VPS11: variants seen among roughly 807,000 people sequenced by gnomAD.
VPS11 encodes the protein vacuolar protein sorting-associated protein 11 homolog.
Under a neutral mutation model 106.8 loss-of-function variants are expected in VPS11, and 51 were observed. The ratio of observed to expected loss-of-function variants is 0.48; its 90% CI spans 0.38 to 0.60. The LOEUF (loss-of-function observed/expected upper bound fraction) is 0.60. Among genes scored for constraint, VPS11 ranks in the 20% least tolerant of loss-of-function variants. The pLI is 0.00. For synonymous variants in VPS11, 453 were observed against 458.7 expected (o/e 0.99, Z 0.16); for missense variants, 950 against 1,190.0 (o/e 0.80, Z 2.97).
At chr11:119,070,195 T>C in intron 3 of VPS11, 39 bp from the exon 4 acceptor site, 1 of 1,573,980 alleles carries the variant, frequency 6.4e-7, no homozygotes, top group East Asian at 2.3e-5. Context: ...TTCCTGATCT[T>C]TTCAGCCTTA....
At chr11:119,074,701 G>A (rs1243055332) in intron 7 of VPS11, among the ~76,000 whole-genome samples, 1 of 152,134 alleles carries the variant, frequency 6.6e-6, no homozygotes, top group Non-Finnish European at 1.5e-5. Context: ...CACAGTGCCT[G>A]GCCTTTTTAA....
At chr11:119,069,718 G>A (rs1945295649) in intron 3 of VPS11, 141 bp downstream of exon 3, 5 of 1,222,238 alleles carry the variant, frequency 4.1e-6, no homozygotes, top group Admixed American at 2.3e-5. Context: ...TGGAATGGGG[G>A]CCAGGCGCGG....
Position 119,078,042 on chromosome 11 carries a change from C to T in VPS11, c.1737C>T (p.Ser579=), listed in dbSNP as rs375492582. 2.2e-5 allele frequency: 35 copies of T among 1,611,654 alleles called. No homozygotes were observed. The highest frequency in any genetic ancestry group is 2.0e-4 in the East Asian group (9 of 44,896). ...TDYRPSLEGR[S]DREAPGCRAN... is the part of the protein sequence containing the mutation. ...ATCGGCCCAGCCTCGAAGGCCGCAGCGATAGGGAGGCCCCAGGCTGCAGGG... is the reference window on the plus strand; with the variant it reads ...ATCGGCCCAGCCTCGAAGGCCGCAGTGATAGGGAGGCCCCAGGCTGCAGGG... Residue 579 remains serine, a synonymous_variant, in exon 10 of 16, where the codon AGC becomes AGT. Transcript: ENST00000621676.
In VPS11 at chr11:119,073,033, TC is replaced by T. The variant is rs1397227575; in HGVS notation, c.885-164del. On this transcript the variant is annotated intron_variant, in intron 5 of 15. Transcript: ENST00000621676. The stretch of plus-strand genomic sequence containing the variant: ...AAAGGGTAAGATCAGGTTTATGTGT[TC>T]TCTATGTACAACTACCGGCACAGCG... 4.7e-5 allele frequency: 34 copies of T among 720,314 alleles called. No individual in the cohort carries two copies. In the African/African-American group the frequency reaches 5.7e-4, roughly 12 times the overall value. The allele number at this position is 720,314 out of a possible 1,614,324, so 44.6% of individuals were successfully genotyped here.
rs2133640029 is a variant in VPS11 at position 119,067,973 on chromosome 11, T to C, written c.150T>C (p.Thr50=). 15 of 1,612,716 alleles carry C rather than the reference T, an allele frequency of 9.3e-6. No individual in the cohort carries two copies. Among genetic ancestry groups the C allele is most frequent in the African/African-American group, 1.3e-5 (1 of 74,926 alleles). Residue 50 remains threonine (T), a synonymous_variant, in exon 1 of 16, where the codon ACT becomes ACC. Coordinates refer to ENST00000621676, the MANE Select transcript of VPS11 (RefSeq NM_021729.6). ...SKFLCLPPGI[T]VCDSGRGSLV... ...TCCTTTGCCTCCCTCCTGGCATCAC[T>C]GTCTGCGACTCAGGCCGAGGGAGCC...
chr11:119,071,467 G>A (rs2134753881), intron 4 of VPS11, 129 bp from the exon 5 acceptor site: 1 of 1,192,930 alleles, frequency 8.4e-7, no homozygotes, highest in South Asian at 1.6e-5. Flanking sequence ...AAGAAGGCCA[G>A]CAGCCAAGAG....
At position 119,078,861 on chromosome 11, in the gene VPS11, G is replaced by A. The variant is rs1945739434; in HGVS notation, c.2130G>A (p.Glu710=). ...ACCGGCAGGTCATCAGCGTGTGTGA[G>A]CGCCATGGGGAGCAGGACCCCTCCT... The part of the protein sequence containing the change: ...EQYRQVISVC[E]RHGEQDPSLW... The change falls in exon 13 of 16, where the codon GAG becomes GAA. Residue 710 remains glutamate (E), a synonymous_variant. Transcript: ENST00000621676. 1 of 1,613,876 alleles carries A rather than the reference G, an allele frequency of 6.2e-7. No homozygotes were observed. The highest frequency in any genetic ancestry group is 8.5e-7 in the Non-Finnish European group (1 of 1,179,902).
Position 119,078,586 on chromosome 11 carries a change from G to A in VPS11, c.1945G>A (p.Glu649Lys). 1 of 1,612,348 alleles carries A rather than the reference G, an allele frequency of 6.2e-7. No homozygotes were observed. Among genetic ancestry groups the A allele is most frequent in the Non-Finnish European group, 8.5e-7 (1 of 1,178,562 alleles). Reference sequence around the variant, plus strand: ...CCAGGTCAAAGAGAAGCTTCACGCAGAGGCCATTTCCCTGCTGAAGAGTGG... The same window carrying A: ...CCAGGTCAAAGAGAAGCTTCACGCAAAGGCCATTTCCCTGCTGAAGAGTGG... ...DPQVKEKLHA[E>K]AISLLKSGRF... The change falls in exon 12 of 16, where the codon GAG (glutamate) becomes AAG (lysine). Residue 649 changes from glutamate (E) to lysine (K), a missense_variant. Coordinates refer to ENST00000621676, the MANE Select transcript of VPS11 (RefSeq NM_021729.6).
At chr11:119,077,754 T>A in intron 9 of VPS11, 107 bp downstream of exon 9, 1 of 1,540,058 alleles carries the variant, frequency 6.5e-7, no homozygotes, top group South Asian at 1.3e-5. Context: ...TCCTCCTGAG[T>A]GGAGGTGAGA....
At chr11:119,077,729 G>C in intron 9 of VPS11, 82 bp downstream of exon 9, 2 of 1,541,104 alleles carry the variant, frequency 1.3e-6, no homozygotes, top group Non-Finnish European at 1.8e-6. Context: ...GGGCTCAGGT[G>C]ATCCTCCCAC....
At chr11:119,071,869 G>A in intron 5 of VPS11, 26 bp downstream of exon 5, 3 of 1,602,414 alleles carry the variant, frequency 1.9e-6, no homozygotes, top group Non-Finnish European at 2.6e-6. Context: ...GAAGGGACAG[G>A]GAGAGGGCTG....
Position 119,081,664 on chromosome 11 carries a change from A to G in VPS11, c.*41A>G, listed in dbSNP as rs1477996976. The G allele has an allele frequency of 6.2e-7, 1 of 1,606,642 alleles. No homozygotes were observed. The highest frequency in any genetic ancestry group is 2.2e-5 in the East Asian group (1 of 44,708). Reference sequence around the variant, plus strand: ...ATGTGGGCAACAGTGGAGGACCAAGAGAACAGACACAATGGGACCTGGGCG... The same window carrying G: ...ATGTGGGCAACAGTGGAGGACCAAGGGAACAGACACAATGGGACCTGGGCG... On this transcript the variant is annotated 3_prime_UTR_variant, in exon 16 of 16. Transcript: ENST00000621676.
At chr11:119,070,622 T>C (rs1945344069) in intron 4 of VPS11, 1 of 400,014 alleles carries the variant, frequency 2.5e-6, no homozygotes, top group African/African-American at 2.0e-5. Flanking sequence ...TTTTTTTTTT[T>C]TGAGACCGAG....
In VPS11 at chr11:119,069,490, A is replaced by G; in HGVS notation, c.385A>G (p.Thr129Ala). Residue 129 changes from threonine (T) to alanine (A), a missense_variant, in exon 3 of 16, where the codon ACT (threonine) becomes GCT (alanine). Thr to Ala is a moderately conservative substitution (Grantham distance 58). Around this residue, in one of 3 missense-constraint regions of VPS11, gnomAD observed 435 missense variants for 630.2 expected, o/e 0.69. Transcript: ENST00000621676. ...EKRDGGNPLCTRIFPAIPGTE... is the reference protein window; with the variant it reads ...EKRDGGNPLCARIFPAIPGTE... ...GAGAGATGGTGGCAATCCACTCTGCACTCGAATCTTCCCTGCTATTCCAGG... is the reference window on the plus strand; with the variant it reads ...GAGAGATGGTGGCAATCCACTCTGCGCTCGAATCTTCCCTGCTATTCCAGG... 1 of 1,614,008 alleles carries G rather than the reference A, an allele frequency of 6.2e-7. No homozygotes were observed. The highest frequency in any genetic ancestry group is 1.1e-5 in the South Asian group (1 of 91,082).
chr11:119,069,711 A>C, intron 3 of VPS11, 134 bp downstream of exon 3: 2 of 1,305,166 alleles, frequency 1.5e-6, no homozygotes. Flanking sequence ...TAAATTTTGG[A>C]ATGGGGGCCA....
At chr11:119,069,601 C>T (rs1420342775) in intron 3 of VPS11, 24 bp downstream of exon 3, 3 of 1,613,850 alleles carry the variant, frequency 1.9e-6, no homozygotes, top group Middle Eastern at 1.6e-4. Flanking sequence ...AAAACTAACC[C>T]TCCTAGATTT....
intron 3 of VPS11, 48 bp from the exon 4 acceptor site, chr11:119,070,186 T>C (rs1945321947): frequency 6.4e-7 from 1 of 1,559,452 alleles, no homozygotes; most frequent in Non-Finnish European, 8.7e-7. Flanking sequence ...CCTCTCCACT[T>C]CCTGATCTTT....
At position 119,078,031 on chromosome 11, in the gene VPS11, G is replaced by A. The variant is rs782163667; in HGVS notation, c.1726G>A (p.Glu576Lys). The A allele has an allele frequency of 8.7e-6, 14 of 1,612,358 alleles. No individual in the cohort carries two copies. The highest frequency in any genetic ancestry group is 2.2e-5 in the South Asian group (2 of 91,088). ...GLCTDYRPSL[E>K]GRSDREAPGC... ...TTGTACTGATTATCGGCCCAGCCTC[G>A]AAGGCCGCAGCGATAGGGAGGCCCC... Residue 576 changes from glutamate to lysine, a missense_variant, in exon 10 of 16, where the codon GAA becomes AAA. Physicochemically the swap from Glu to Lys is moderately conservative, Grantham distance 56. This residue lies in a region of VPS11 where 453 missense variants were observed against 514.6 expected (regional missense o/e 0.88). Transcript: ENST00000621676.
intron 4 of VPS11, among the ~76,000 whole-genome samples, chr11:119,071,060 G>C (rs116927115): frequency 6.6e-6 from 1 of 151,428 alleles, no homozygotes; most frequent in African/African-American, 2.4e-5. Context: ...TCCTGAGTAC[G>C]TGGGATTACA....
Sources: allele counts gnomAD v4.1 joint callset (sites outside exome capture counted in the v4.1 genomes callset), GRCh38; gene constraint gnomAD v4.1.1; regional missense constraint gnomAD v4.1.1; transcripts MANE v1.5; gene names NCBI Gene and HGNC (gene_info 2026-07-23, HGNC 2026-07-21).